The following VENTX variants were observed in gnomAD, a reference collection of about 807,000 sequenced individuals.
VENTX encodes homeobox protein VENTX.
In VENTX, 13 loss-of-function variants were observed where a neutral mutation model predicts 10.5. The observed-to-expected ratio is 1.23, with a 90% CI of 0.80 to 1.96. The LOEUF is 1.96. VENTX is among the 30% of genes most tolerant of loss of function. The probability of loss-of-function intolerance (pLI) is 0.00; values close to 1 mark genes in which losing one functional copy is unlikely to be tolerated. For synonymous variants in VENTX, 177 were observed against 150.4 expected (o/e 1.18, Z -1.29); for missense variants, 400 against 341.8 (o/e 1.17, Z -1.34).
chr10:133,239,335 T>C (rs1040398600), intron 1 of VENTX, among the ~76,000 whole-genome samples: 2 of 152,186 alleles, frequency 1.3e-5, no homozygotes, highest in African/African-American at 4.8e-5. Context: ...GCCAGGCCTT[T>C]GCATATAATG....
chr10:133,238,306 G>A, intron 1 of VENTX, 151 bp downstream of exon 1: 1 of 1,061,240 alleles, frequency 9.4e-7, no homozygotes, highest in Non-Finnish European at 1.3e-6. Flanking sequence ...GGCCTTGCCG[G>A]CGCCCTCACT....
intron 1 of VENTX, 114 bp downstream of exon 1, chr10:133,238,269 G>C (rs1470177591): frequency 4.5e-6 from 6 of 1,345,854 alleles, no homozygotes; most frequent in Non-Finnish European, 5.8e-6. Flanking sequence ...GGTCAGGGCC[G>C]GGGGCGTTTC....
intron 1 of VENTX, among the ~76,000 whole-genome samples, chr10:133,239,006 C>CT (rs1589788483): frequency 6.6e-6 from 1 of 152,338 alleles, no homozygotes; most frequent in African/African-American, 2.4e-5. Context: ...AAGGCATTTG[C>CT]TTTTTGGGTC....
rs770505038 is a variant in VENTX at position 133,237,888 on chromosome 10, G to A, written c.-27G>A. On this transcript the variant is annotated 5_prime_UTR_variant, in exon 1 of 3. Transcript: ENST00000325980. ...TCCTGCGCCTGGCCAGCCCCGCCTG[G>A]CCTTCCCTCCGGCCCACCTGGCCGC... The A allele has an allele frequency of 6.4e-7, 1 of 1,558,236 alleles. No homozygotes were observed.
At position 133,240,782 on chromosome 10, in the gene VENTX, A is replaced by C. The variant is rs1845926441; in HGVS notation, c.*476A>C. On this transcript the variant is annotated 3_prime_UTR_variant, in exon 3 of 3. Coordinates refer to ENST00000325980, the MANE Select transcript of VENTX (RefSeq NM_014468.4). ...CTGGTCTCAAACTCCTGACCCTGTGATCCGCCCGCCTCGGCCTCCCAAAGT... is the reference window on the plus strand; with the variant it reads ...CTGGTCTCAAACTCCTGACCCTGTGCTCCGCCCGCCTCGGCCTCCCAAAGT... 1 of 151,880 alleles carries C rather than the reference A, an allele frequency of 6.6e-6. No individual in the cohort carries two copies. Among genetic ancestry groups the C allele is most frequent in the African/African-American group, 2.4e-5 (1 of 41,304 alleles). 9.4% of individuals were successfully genotyped at this position (151,880 alleles called of 1,614,324 possible). A position where few individuals can be genotyped will look rare whatever the true frequency, so the allele number is the denominator to read the frequency against.
At chr10:133,239,375 T>G (rs1160070408) in intron 1 of VENTX, among the ~76,000 whole-genome samples, 1 of 152,148 alleles carries the variant, frequency 6.6e-6, no homozygotes, top group Non-Finnish European at 1.5e-5. Context: ...TGGAAGGCTG[T>G]GGGAAGGGCA....
Position 133,237,981 on chromosome 10 carries a change from C to G in VENTX, c.67C>G (p.Leu23Val). ...QLSSFGSVDW[L>V]SQSSCSGPTH... ...CTCCAGCTTTGGCTCCGTGGACTGG[C>G]TCTCCCAGAGCAGCTGCTCAGGGCC... The change falls in exon 1 of 3, where the codon CTC becomes GTC. Residue 23 changes from leucine to valine, a missense_variant. Coordinates refer to ENST00000325980, the MANE Select transcript of VENTX (RefSeq NM_014468.4). 6.2e-7 allele frequency: 1 copy of G among 1,600,914 alleles called. No homozygotes were observed. Among genetic ancestry groups the G allele is most frequent in the Non-Finnish European group, 8.5e-7 (1 of 1,177,248 alleles).
chr10:133,239,997 C>A lies in VENTX; in HGVS notation c.468C>A (p.His156Gln). 2.5e-6 allele frequency: 4 copies of A among 1,612,390 alleles called. No homozygotes were observed. Among genetic ancestry groups the A allele is most frequent in the Non-Finnish European group, 3.4e-6 (4 of 1,179,990 alleles). ...HKRQMQDPQL[H>Q]SPFSGSLHAP... ...GGCAAATGCAGGACCCCCAGCTGCA[C>A]AGCCCCTTCTCGGGGTCTCTCCATG... Residue 156 changes from histidine to glutamine, a missense_variant, in exon 3 of 3, where the codon CAC becomes CAA. By Grantham distance (24) the His-to-Gln change is conservative. Transcript: ENST00000325980.
chr10:133,240,069 G>A lies in VENTX; in HGVS notation c.540G>A (p.Leu180=). 6.2e-7 allele frequency: 1 copy of A among 1,611,636 alleles called. No homozygotes were observed. The highest frequency in any genetic ancestry group is 8.5e-7 in the Non-Finnish European group (1 of 1,180,018). The change falls in exon 3 of 3, where the codon CTG becomes CTA. Residue 180 remains leucine, a synonymous_variant. Transcript: ENST00000325980. ...YSTSSGLANG[L]QLLCPWAPLS... is the part of the protein sequence containing the mutation. Reference sequence around the variant, plus strand: ...CGTCTTCTGGCCTTGCCAATGGCCTGCAGCTGCTGTGCCCTTGGGCACCCC... The same window carrying A: ...CGTCTTCTGGCCTTGCCAATGGCCTACAGCTGCTGTGCCCTTGGGCACCCC...
chr10:133,238,114 C>A lies in VENTX; in HGVS notation c.200C>A (p.Ala67Asp). The change falls in exon 1 of 3, where the codon GCC (alanine) becomes GAC (aspartate). Residue 67 changes from alanine to aspartate, a missense_variant. Transcript: ENST00000325980. The part of the protein sequence containing the change: ...PPQAVSIKEA[A>D]GSSNLPAPER... The stretch of plus-strand genomic sequence containing the variant: ...CAGGCCGTCAGCATCAAGGAGGCCG[C>A]CGGGTCCTCAAATCTGCCTGCGCCG... The A allele has an allele frequency of 6.2e-7, 1 of 1,603,324 alleles. No individual in the cohort carries two copies. Among genetic ancestry groups the A allele is most frequent in the Non-Finnish European group, 8.5e-7 (1 of 1,176,376 alleles).
Position 133,237,940 on chromosome 10 carries a change from G to T in VENTX, c.26G>T (p.Arg9Leu). Residue 9 changes from arginine (R) to leucine (L), a missense_variant, in exon 1 of 3, where the codon CGT becomes CTT. By Grantham distance (102) the Arg-to-Leu change is moderately radical. Transcript: ENST00000325980. MRLSSSPP[R>L]GPQQLSSFGS... ...ATGCGCCTCTCCTCCTCCCCACCTC[G>T]TGGCCCGCAGCAGCTCTCCAGCTTT... 6.3e-7 allele frequency: 1 copy of T among 1,594,422 alleles called. No homozygotes were observed. The highest frequency in any genetic ancestry group is 8.5e-7 in the Non-Finnish European group (1 of 1,176,442).
rs1845929781 is a variant in VENTX, at chr10:133,241,063, A to C, written c.*757A>C. On this transcript the variant is annotated 3_prime_UTR_variant, in exon 3 of 3. Coordinates refer to ENST00000325980, the MANE Select transcript of VENTX (RefSeq NM_014468.4). Reference sequence around the variant, plus strand: ...TAAAGGTTGTAAGCTTTGTGTGTACAAAAGAAAACAGGGAATGCAGGTGTG... The same window carrying C: ...TAAAGGTTGTAAGCTTTGTGTGTACCAAAGAAAACAGGGAATGCAGGTGTG... 1.3e-5 allele frequency: 2 copies of C among 152,268 alleles called. No homozygotes were observed. Among genetic ancestry groups the C allele is most frequent in the South Asian group, 2.1e-4 (1 of 4,834 alleles). The allele number at this position is 152,268 out of a possible 1,614,324, so 9.4% of individuals were successfully genotyped here.
Position 133,238,049 on chromosome 10 carries a change from C to T in VENTX, c.135C>T (p.Leu45=), listed in dbSNP as rs1379465086. ...CTGCCGACTTCTCCCTGGGGAGCCT[C>T]CCTGGCCCAGGCCAGACATCCGGCG... ...PRPADFSLGS[L]PGPGQTSGAR... is the part of the protein sequence containing the mutation. The change falls in exon 1 of 3, where the codon CTC becomes CTT. Residue 45 remains leucine (L), a synonymous_variant. Coordinates refer to ENST00000325980, the MANE Select transcript of VENTX (RefSeq NM_014468.4). The T allele has an allele frequency of 1.3e-6, 2 of 1,599,588 alleles. No homozygotes were observed. Among genetic ancestry groups the T allele is most frequent in the Non-Finnish European group, 1.7e-6 (2 of 1,175,078 alleles).
chr10:133,240,047 CT>C lies in VENTX; in HGVS notation c.520del (p.Ser174LeufsTer22). On this transcript the variant is annotated frameshift_variant, in exon 3 of 3. Coordinates refer to ENST00000325980, the MANE Select transcript of VENTX (RefSeq NM_014468.4). LOFTEE classifies it low-confidence loss of function (END_TRUNC). ...LHAPPAFYST[S>X]SGLANGLQLL... ...GCGCCCCCAGCTTTCTACTCAACGT[CT>C]TCTGGCCTTGCCAATGGCCTGCAGC... is the stretch of plus-strand genomic sequence containing the variant. 6.2e-7 allele frequency: 1 copy of C among 1,611,954 alleles called. No individual in the cohort carries two copies. The highest frequency in any genetic ancestry group is 8.5e-7 in the Non-Finnish European group (1 of 1,180,030).
chr10:133,238,278 T>G, intron 1 of VENTX, 123 bp downstream of exon 1: 1 of 1,291,244 alleles, frequency 7.7e-7, no homozygotes, highest in Non-Finnish European at 1.0e-6. Flanking sequence ...CGGGGGCGTT[T>G]CCATGAGGGC....
At position 133,239,939 on chromosome 10, in the gene VENTX, C is replaced by A. The variant is rs376849886; in HGVS notation, c.410C>A (p.Thr137Asn). The change falls in exon 3 of 3, where the codon ACC becomes AAC. Residue 137 changes from threonine (T) to asparagine (N), a missense_variant. Thr to Asn is a moderately conservative substitution (Grantham distance 65, BLOSUM62 0). Coordinates refer to ENST00000325980, the MANE Select transcript of VENTX (RefSeq NM_014468.4). ...EMQLSEVQIK[T>N]WFQNRRMKHK... ...ATCTTGCTTTTCCTACAGATAAAAA[C>A]CTGGTTTCAGAATCGCCGCATGAAA... The A allele has an allele frequency of 3.7e-6, 6 of 1,611,978 alleles. No homozygotes were observed. The highest frequency in any genetic ancestry group is 5.1e-6 in the Non-Finnish European group (6 of 1,179,408).
chr10:133,239,640 G>T, intron 1 of VENTX, 36 bp from the exon 2 acceptor site: 1 of 1,608,030 alleles, frequency 6.2e-7, no homozygotes, highest in Non-Finnish European at 8.5e-7. Flanking sequence ...CCATGGGGTG[G>T]CATGTTGAGC....
Position 133,238,024 on chromosome 10 carries a change from C to T in VENTX, c.110C>T (p.Pro37Leu). The change falls in exon 1 of 3, where the codon CCT becomes CTT. Residue 37 changes from proline to leucine, a missense_variant. Transcript: ENST00000325980. ...SCSGPTHTPR[P>L]ADFSLGSLPG... Reference sequence around the variant, plus strand: ...TCAGGGCCGACCCACACCCCCAGGCCTGCCGACTTCTCCCTGGGGAGCCTC... The same window carrying T: ...TCAGGGCCGACCCACACCCCCAGGCTTGCCGACTTCTCCCTGGGGAGCCTC... The T allele has an allele frequency of 1.2e-6, 2 of 1,600,642 alleles. No homozygotes were observed. Among genetic ancestry groups the T allele is most frequent in the Non-Finnish European group, 1.7e-6 (2 of 1,176,012 alleles).
At chr10:133,239,445 C>T (rs1255352177) in intron 1 of VENTX, among the ~76,000 whole-genome samples, 2 of 152,170 alleles carry the variant, frequency 1.3e-5, no homozygotes, top group African/African-American at 2.4e-5. Context: ...GTGGACTGAG[C>T]GGAGGGCAGG....
Sources: gnomAD v4.1 joint callset for allele counts (sites outside exome capture counted in the v4.1 genomes callset) on GRCh38, gnomAD v4.1.1 for gene constraint, MANE v1.5 for transcripts, NCBI Gene and HGNC (gene_info 2026-07-23, HGNC 2026-07-21) for gene names.